The following CNTLN variants were observed in gnomAD, a reference collection of about 807,000 sequenced individuals.
CNTLN encodes the protein centlein, also known as centlein, centrosomal protein.
CNTLN carries 212 observed loss-of-function variants against 180.0 expected under a neutral mutation model. That is an observed-to-expected ratio of 1.18 (90% CI 1.05 to 1.32). The LOEUF is 1.32. Among genes scored for constraint, CNTLN ranks in the 40% most tolerant of loss-of-function variants. The pLI is 0.00. For missense variants in CNTLN, 2,095 were observed against 1,610.9 expected (o/e 1.30, Z -5.14); for synonymous variants, 722 against 563.1 (o/e 1.28, Z -3.99).
chr9:17,311,777 C>A (rs1470476838), intron 8 of CNTLN, among the ~76,000 whole-genome samples: 1 of 151,868 alleles, frequency 6.6e-6, no homozygotes, highest in Non-Finnish European at 1.5e-5. Flanking sequence ...CCACTGCTCT[C>A]CAGCCTGGCA....
intron 12 of CNTLN, among the ~76,000 whole-genome samples, chr9:17,358,003 C>T (rs908551371): frequency 1.3e-5 from 2 of 151,864 alleles, no homozygotes; most frequent in African/African-American, 4.8e-5. Context: ...AGGAATGTTA[C>T]AGGTAAAGTT....
At chr9:17,436,573 GA>G (rs1829791213) in intron 18 of CNTLN, among the ~76,000 whole-genome samples, 1 of 152,094 alleles carries the variant, frequency 6.6e-6, no homozygotes, top group Non-Finnish European at 1.5e-5. Context: ...TAAATCTGAA[GA>G]GACCTTTAGC....
chr9:17,331,947 A>G (rs966981593), intron 9 of CNTLN, among the ~76,000 whole-genome samples: 1 of 152,044 alleles, frequency 6.6e-6, no homozygotes, highest in African/African-American at 2.4e-5. Context: ...GAGGGGTATT[A>G]TGGCCAAAAT....
In CNTLN at chr9:17,395,158, G is replaced by A. The variant is rs377050192; in HGVS notation, c.2615+89G>A. 4.1e-6 allele frequency: 6 copies of A among 1,466,124 alleles called. No homozygotes were observed. The South Asian group carries it at 5.9e-5, about 15-fold the overall frequency. The allele number at this position is 1,466,124 out of a possible 1,614,324, so 90.8% of individuals were successfully genotyped here. ...TGGAGATTGAATTTCAACTACTGTC[G>A]ATTTGGTATTCAGAAAAAATACTGT... On this transcript the variant is annotated intron_variant, in intron 15 of 25. Transcript: ENST00000380647.
At position 17,360,506 on chromosome 9, in the gene CNTLN, A is replaced by G. The variant is rs139523168; in HGVS notation, c.1887-6111A>G. On this transcript the variant is annotated intron_variant, in intron 12 of 25. Transcript: ENST00000380647. ...GATACAGCCTAGGGGGTGGTGGAGG[A>G]TGAGGAACCCAGTTAGATATTGGCC... 2.0e-4 allele frequency among the ~76,000 whole-genome samples: 30 copies of G among 152,264 alleles called. No individual in the cohort carries two copies. In the East Asian group the frequency reaches 5.4e-3, roughly 27 times the overall value.
chr9:17,268,650 A>C (rs1827692475), intron 5 of CNTLN, among the ~76,000 whole-genome samples: 1 of 152,136 alleles, frequency 6.6e-6, no homozygotes, highest in African/African-American at 2.4e-5. Context: ...TGGAGCCTAC[A>C]GAGGCAGGCA....
rs1564027341 is a variant in CNTLN, at chr9:17,359,738, A to AC, written c.1887-6879_1887-6878insC. Among the ~76,000 whole-genome samples, 629 of 122,418 alleles carry AC rather than the reference A, an allele frequency of 5.1e-3. 21 individuals are homozygous for AC. Among genetic ancestry groups the AC allele is most frequent in the African/African-American group, 0.017 (607 of 35,100 alleles). 80.3% of individuals were successfully genotyped at this position (122,418 alleles called of 152,430 possible). A position where few individuals can be genotyped will look rare whatever the true frequency, so the allele number is the denominator to read the frequency against. On this transcript the variant is annotated intron_variant, in intron 12 of 25. Transcript: ENST00000380647. ...ATACTAAAAATACAAAAAAAAAAAA[A>AC]AAAAAAAAAAAACTAGCTGGGTGTA...
intron 2 of CNTLN, among the ~76,000 whole-genome samples, chr9:17,197,814 C>A (rs142651824): frequency 1.1e-3 from 165 of 152,230 alleles, no homozygotes; most frequent in Non-Finnish European, 2.1e-3. Flanking sequence ...TTTGCTCAGT[C>A]CAGTGTCCTG....
At chr9:17,485,122 C>T (rs149992940) in intron 24 of CNTLN, among the ~76,000 whole-genome samples, 5 of 152,182 alleles carry the variant, frequency 3.3e-5, no homozygotes, top group East Asian at 1.9e-4. Flanking sequence ...CAGTCTTTTG[C>T]GAAACATGTG....
chr9:17,385,578 T>C (rs1825624006), intron 13 of CNTLN, among the ~76,000 whole-genome samples: 1 of 152,178 alleles, frequency 6.6e-6, no homozygotes, highest in South Asian at 2.1e-4. Context: ...TTTCAGGAAC[T>C]GGGGACAAAA....
In CNTLN at chr9:17,394,779, G is replaced by C. The variant is rs765691128; in HGVS notation, c.2325G>C (p.Arg775Ser). Residue 775 changes from arginine to serine, a missense_variant, in exon 15 of 26, where the codon AGG becomes AGC. Arg to Ser is a moderately radical substitution (Grantham distance 110). Transcript: ENST00000380647. ...SELETEVTSL[R>S]RQVAEANALR... is the part of the protein sequence containing the mutation. ...TGGAGACAGAAGTCACTTCCCTGAG[G>C]AGACAAGTGGCAGAAGCTAATGCAT... 1.2e-6 allele frequency: 2 copies of C among 1,613,994 alleles called. No homozygotes were observed. Among genetic ancestry groups the C allele is most frequent in the Non-Finnish European group, 1.7e-6 (2 of 1,179,972 alleles).
intron 23 of CNTLN, among the ~76,000 whole-genome samples, chr9:17,478,019 C>T (rs1242204529): frequency 3.9e-5 from 6 of 152,210 alleles, no homozygotes; most frequent in African/African-American, 1.4e-4. Flanking sequence ...CAGCAACCAT[C>T]ACCCTAATTT....
At chr9:17,319,212 A>G (rs908671012) in intron 8 of CNTLN, among the ~76,000 whole-genome samples, 7 of 152,352 alleles carry the variant, frequency 4.6e-5, no homozygotes, top group African/African-American at 1.4e-4. Flanking sequence ...TTTGTGGTGT[A>G]TCCTAGAGAG....
At chr9:17,473,609 AAAC>A (rs1360572090) in intron 23 of CNTLN, among the ~76,000 whole-genome samples, 16 of 151,442 alleles carry the variant, frequency 1.1e-4, no homozygotes, top group African/African-American at 3.6e-4. Flanking sequence ...AAAAAAAACA[AAAC>A]AAAAAACAAC....
intron 15 of CNTLN, among the ~76,000 whole-genome samples, chr9:17,400,460 AT>A (rs975319400): frequency 8.5e-5 from 13 of 152,238 alleles, no homozygotes; most frequent in Admixed American, 8.5e-4. Flanking sequence ...TTTAGAGTAT[AT>A]CTTAGGGATT....
intron 3 of CNTLN, among the ~76,000 whole-genome samples, chr9:17,231,951 C>G (rs1448733901): frequency 1.3e-5 from 2 of 151,954 alleles, no homozygotes; most frequent in East Asian, 3.9e-4. Context: ...TCCAGACATT[C>G]TCTCTCTTGT....
Position 17,394,536 on chromosome 9 carries a change from C to A in CNTLN, c.2082C>A (p.Val694=). The A allele has an allele frequency of 3.9e-6, 6 of 1,547,270 alleles. No homozygotes were observed. The highest frequency in any genetic ancestry group is 5.2e-6 in the Non-Finnish European group (6 of 1,143,302). The change falls in exon 15 of 26, where the codon GTC becomes GTA. Residue 694 remains valine, a splice_region_variant and synonymous_variant. Coordinates refer to ENST00000380647, the MANE Select transcript of CNTLN (RefSeq NM_017738.4). ...KEMLEQTLQK[V]TELENRLKSF... is the part of the protein sequence containing the mutation. ...AAAGAATAAACTCTTTCCTTTAGGT[C>A]ACTGAGTTGGAAAATCGGCTGAAAT... is the stretch of plus-strand genomic sequence containing the variant.
At chr9:17,206,492 CA>C in intron 2 of CNTLN, among the ~76,000 whole-genome samples, 1 of 152,158 alleles carries the variant, frequency 6.6e-6, no homozygotes, top group East Asian at 1.9e-4. Flanking sequence ...TAACAAATCT[CA>C]CAATATTACT....
chr9:17,285,548 T>C (rs1402747197), intron 6 of CNTLN, among the ~76,000 whole-genome samples: 8 of 134,842 alleles, frequency 5.9e-5, no homozygotes, highest in Non-Finnish European at 9.2e-5. Context: ...TCAAATGGTA[T>C]TTCTAGTTCT....
Sources: gnomAD v4.1 joint callset for allele counts (sites outside exome capture counted in the v4.1 genomes callset) on GRCh38, gnomAD v4.1.1 for gene constraint, MANE v1.5 for transcripts, NCBI Gene and HGNC (gene_info 2026-07-23, HGNC 2026-07-21) for gene names.